Variants in RUSF1 observed in about 807,000 individuals in gnomAD.
The protein encoded by RUSF1 is RUS1 family protein C16orf58.
Under a neutral mutation model 63.0 loss-of-function variants are expected in RUSF1, and 58 were observed. That is an observed-to-expected ratio of 0.92 (90% CI 0.75 to 1.15). The LOEUF (loss-of-function observed/expected upper bound fraction) is 1.15, where lower values mean the gene tolerates loss of function less well. Among genes scored for constraint, RUSF1 ranks in the 50% most tolerant of loss-of-function variants. RUSF1 has a pLI of 0.00. For missense variants in RUSF1, 652 were observed against 611.0 expected (o/e 1.07, Z -0.71); for synonymous variants, 274 against 255.8 (o/e 1.07, Z -0.68).
intron 2 of RUSF1, among the ~76,000 whole-genome samples, chr16:31,503,019 T>A (rs758551891): frequency 1.3e-5 from 2 of 152,256 alleles, no homozygotes; most frequent in African/African-American, 2.4e-5. Flanking sequence ...GGGAGCCTAT[T>A]CTACCTTTCC....
In RUSF1 at chr16:31,499,316, T is replaced by C; in HGVS notation, c.586A>G (p.Ser196Gly). ...CAGGCAGCTACCTTGGCTAGGTTGC[T>C]GGTGGAGACGGTCATGGTGAAACAG... is the stretch of plus-strand genomic sequence containing the variant. ...PICFTMTVSTSNLAKCIVSVA... is the reference protein window; with the variant it reads ...PICFTMTVSTGNLAKCIVSVA... Residue 196 changes from serine (S) to glycine (G), a missense_variant, in exon 5 of 13, where the codon AGC (serine) becomes GGC (glycine). By Grantham distance (56) the Ser-to-Gly change is moderately conservative. Coordinates refer to ENST00000327237, the MANE Select transcript of RUSF1 (RefSeq NM_022744.4). The C allele has an allele frequency of 6.2e-7, 1 of 1,613,792 alleles. No individual in the cohort carries two copies. Among genetic ancestry groups the C allele is most frequent in the South Asian group, 1.1e-5 (1 of 91,072 alleles).
chr16:31,494,531 A>T (rs2082592255), intron 6 of RUSF1, among the ~76,000 whole-genome samples: 2 of 151,946 alleles, frequency 1.3e-5, no homozygotes, highest in Non-Finnish European at 2.9e-5. Flanking sequence ...GAAAAAAAAA[A>T]AAATTAAGCC....
chr16:31,497,074 T>C (rs2082607678), intron 5 of RUSF1, 124 bp from the exon 6 acceptor site: 10 of 710,052 alleles, frequency 1.4e-5, no homozygotes, highest in South Asian at 1.3e-4. Flanking sequence ...CATCTAGTTC[T>C]CACCTTGATG....
chr16:31,491,233 G>A (rs2082565548), intron 12 of RUSF1, among the ~76,000 whole-genome samples: 1 of 152,094 alleles, frequency 6.6e-6, no homozygotes, highest in African/African-American at 2.4e-5. Flanking sequence ...TGTCTACACT[G>A]ATACCACTTC....
At chr16:31,499,012 A>T (rs767242186) in intron 5 of RUSF1, among the ~76,000 whole-genome samples, 4 of 152,214 alleles carry the variant, frequency 2.6e-5, no homozygotes, top group Non-Finnish European at 5.9e-5. Flanking sequence ...AAAGAACCAA[A>T]GGGAAGTCAA....
At chr16:31,493,102 C>T in intron 9 of RUSF1, 54 bp from the exon 10 acceptor site, 1 of 1,557,170 alleles carries the variant, frequency 6.4e-7, no homozygotes, top group Non-Finnish European at 8.8e-7. Flanking sequence ...GGCAGGCATG[C>T]CCAACCAGCC....
At chr16:31,506,450 CA>C (rs2082659276) in intron 2 of RUSF1, among the ~76,000 whole-genome samples, 1 of 152,156 alleles carries the variant, frequency 6.6e-6, no homozygotes, top group Non-Finnish European at 1.5e-5. Context: ...CACATGAAAA[CA>C]AAAACTACTG....
At chr16:31,492,383 C>A (rs752327291) in intron 10 of RUSF1, 43 bp from the exon 11 acceptor site, 2 of 1,504,642 alleles carry the variant, frequency 1.3e-6, no homozygotes, top group Non-Finnish European at 1.8e-6. Context: ...GAAGGGCCAC[C>A]TCCCAAACCC....
chr16:31,490,062 G>T lies in RUSF1; in HGVS notation c.*773C>A. 2 of 1,611,754 alleles carry T rather than the reference G, an allele frequency of 1.2e-6. No homozygotes were observed. The highest frequency in any genetic ancestry group is 1.7e-6 in the Non-Finnish European group (2 of 1,179,840). ...AAGAGACTTTAGGGCCAGGCATGGGGGGACAGAACTCCCACCTCGTTCGTG... is the reference window on the plus strand; with the variant it reads ...AAGAGACTTTAGGGCCAGGCATGGGTGGACAGAACTCCCACCTCGTTCGTG... On this transcript the variant is annotated 3_prime_UTR_variant, in exon 13 of 13. Transcript: ENST00000327237.
Position 31,493,697 on chromosome 16 carries a change from G to T in RUSF1, c.864C>A (p.Asn288Lys), listed in dbSNP as rs370067641. The T allele has an allele frequency of 4.6e-5, 74 of 1,614,094 alleles. No homozygotes were observed. The highest frequency in any genetic ancestry group is 6.3e-5 in the Non-Finnish European group (74 of 1,180,050). Residue 288 changes from asparagine to lysine, a missense_variant, in exon 8 of 13, where the codon AAC becomes AAA. Asn to Lys is a moderately conservative substitution (Grantham distance 94). Coordinates refer to ENST00000327237, the MANE Select transcript of RUSF1 (RefSeq NM_022744.4). ...AVRALVMETL[N>K]EGRLRLVLKH... ...TCAGGACCAGCCGGAGCCGGCCTTC[G>T]TTCAAGGTCTCCATGACCAGGGCTC...
Position 31,508,176 on chromosome 16 carries a change from G to A in RUSF1, c.198C>T (p.Pro66=), listed in dbSNP as rs766917547. ...DAGEVGASGA[P]SPPLSGLQAV... is the part of the protein sequence containing the mutation. The stretch of plus-strand genomic sequence containing the variant: ...CCTGGAGCCCGGAGAGGGGCGGTGA[G>A]GGGGCCCCGGAAGCCCCCACTTCGC... The change falls in exon 1 of 13, where the codon CCC becomes CCT. Residue 66 remains proline, a synonymous_variant. Transcript: ENST00000327237. The A allele has an allele frequency of 3.8e-6, 6 of 1,574,392 alleles. No homozygotes were observed. The highest frequency in any genetic ancestry group is 1.2e-5 in the South Asian group (1 of 86,358).
chr16:31,506,327 A>T (rs6565236), intron 2 of RUSF1, among the ~76,000 whole-genome samples: 37,486 of 152,200 alleles, frequency 0.25, 4,770 homozygotes, highest in Non-Finnish European at 0.27. Context: ...ATCTCATTAT[A>T]TACATGAAGA....
At position 31,492,016 on chromosome 16, in the gene RUSF1, G is replaced by T; in HGVS notation, c.1302C>A (p.Phe434Leu). The T allele has an allele frequency of 6.2e-7, 1 of 1,614,152 alleles. No individual in the cohort carries two copies. Among genetic ancestry groups the T allele is most frequent in the South Asian group, 1.1e-5 (1 of 91,084 alleles). ...TGGGCTGAGGGATGTTACCTTTCAA[G>T]AACTTTGGGAACAGCATGTCCAACA... ...HEVLDMLFPK[F>L]LKGLQDAGWK... Residue 434 changes from phenylalanine to leucine, a missense_variant, in exon 12 of 13, where the codon TTC becomes TTA. Transcript: ENST00000327237.
At chr16:31,507,392 T>C (rs2082665329) in intron 2 of RUSF1, among the ~76,000 whole-genome samples, 1 of 152,152 alleles carries the variant, frequency 6.6e-6, no homozygotes, top group South Asian at 2.1e-4. Flanking sequence ...ACCAACTATA[T>C]CTTTTTTTTC....
In RUSF1 at chr16:31,508,125, A is replaced by G. The variant is rs1000109958; in HGVS notation, c.249T>C (p.Pro83=). ...GCAAGTAGTCCGGGCTGACGCTATCAGGGAAGCCCTGAGGCAGGAACACGG... is the reference window on the plus strand; with the variant it reads ...GCAAGTAGTCCGGGCTGACGCTATCGGGGAAGCCCTGAGGCAGGAACACGG... ...LQAVFLPQGF[P]DSVSPDYLPY... is the part of the protein sequence containing the mutation. The change falls in exon 1 of 13, where the codon CCT becomes CCC. Residue 83 remains proline, a synonymous_variant. Coordinates refer to ENST00000327237, the MANE Select transcript of RUSF1 (RefSeq NM_022744.4). 6.2e-7 allele frequency: 1 copy of G among 1,602,650 alleles called. No individual in the cohort carries two copies. Among genetic ancestry groups the G allele is most frequent in the Non-Finnish European group, 8.5e-7 (1 of 1,175,208 alleles).
chr16:31,504,216 A>G (rs1223832349), intron 2 of RUSF1, among the ~76,000 whole-genome samples: 1 of 150,288 alleles, frequency 6.7e-6, no homozygotes, highest in Non-Finnish European at 1.5e-5. Context: ...TTTTTTTTTC[A>G]TATCTTAAAG....
At chr16:31,495,649 G>A (rs1170245950) in intron 6 of RUSF1, among the ~76,000 whole-genome samples, 1 of 152,082 alleles carries the variant, frequency 6.6e-6, no homozygotes, top group African/African-American at 2.4e-5. Flanking sequence ...CCTGTGCTGT[G>A]CTTCCTGCTT....
intron 2 of RUSF1, 73 bp from the exon 3 acceptor site, chr16:31,500,804 C>G: frequency 1.3e-6 from 2 of 1,482,676 alleles, no homozygotes; most frequent in African/African-American, 2.8e-5. Context: ...GACCCTGGCA[C>G]TGAACTGGCC....
chr16:31,500,086 TCAGA>T (rs767814837), intron 3 of RUSF1, among the ~76,000 whole-genome samples: 2 of 152,124 alleles, frequency 1.3e-5, no homozygotes, highest in Non-Finnish European at 2.9e-5. Context: ...GCCCTTTTCG[TCAGA>T]CAGTGACTCC....
Sources: allele counts gnomAD v4.1 joint callset (sites outside exome capture counted in the v4.1 genomes callset), GRCh38; gene constraint gnomAD v4.1.1; transcripts MANE v1.5; gene names NCBI Gene and HGNC (gene_info 2026-07-23, HGNC 2026-07-21).